CNTNAP2: variants seen among roughly 807,000 people sequenced by gnomAD.
CNTNAP2 encodes contactin-associated protein-like 2.
CNTNAP2 carries 98 observed loss-of-function variants against 155.2 expected under a neutral mutation model. The observed-to-expected ratio is 0.63, with a 90% CI of 0.54 to 0.75. The LOEUF is 0.75. CNTNAP2 is among the 30% of genes least tolerant of loss of function. The pLI is 0.00. For missense variants in CNTNAP2, 1,727 were observed against 1,688.1 expected, an observed-to-expected ratio of 1.02 and a Z score of -0.40; for synonymous variants, 651 against 631.2, an observed-to-expected ratio of 1.03 and a Z score of -0.47.
chr7:146,497,799 C>CAT (rs778518652), intron 1 of CNTNAP2, among the ~76,000 whole-genome samples: 1 of 148,366 alleles, frequency 6.7e-6, no homozygotes, highest in Admixed American at 6.8e-5. Flanking sequence ...CATATATAAA[C>CAT]ATATATATAC....
chr7:146,176,184 T>A (rs1404709056), intron 1 of CNTNAP2, among the ~76,000 whole-genome samples: 2 of 152,214 alleles, frequency 1.3e-5, no homozygotes, highest in African/African-American at 4.8e-5. Context: ...TAATGCCCTG[T>A]AGGTATGGCA....
chr7:146,596,992 G>A (rs552705480), intron 1 of CNTNAP2, among the ~76,000 whole-genome samples: 32 of 152,104 alleles, frequency 2.1e-4, no homozygotes, highest in African/African-American at 7.5e-4. Context: ...AAATGTTGAG[G>A]TTGAATGAAT....
intron 3 of CNTNAP2, among the ~76,000 whole-genome samples, chr7:147,002,982 C>T (rs1798455087): frequency 7.4e-6 from 1 of 135,764 alleles, no homozygotes; most frequent in African/African-American, 2.7e-5. Flanking sequence ...AAGCAGCAAA[C>T]TGGAAAAGAA....
At chr7:146,776,778 T>A (rs1190802136) in intron 2 of CNTNAP2, among the ~76,000 whole-genome samples, 2 of 152,210 alleles carry the variant, frequency 1.3e-5, no homozygotes. Flanking sequence ...TTCTTTGTTT[T>A]AACATAATAC....
chr7:147,635,548 C>T (rs10253656), intron 12 of CNTNAP2, among the ~76,000 whole-genome samples: 13,609 of 152,070 alleles, frequency 0.089, 1,680 homozygotes, highest in African/African-American at 0.26. Flanking sequence ...TGTTACAAAA[C>T]AAACATATAA....
At chr7:147,058,782 T>C (rs918378384) in intron 4 of CNTNAP2, among the ~76,000 whole-genome samples, 2 of 152,134 alleles carry the variant, frequency 1.3e-5, no homozygotes. Context: ...AATTTTTGTA[T>C]TTTTAGTAGA....
chr7:146,827,387 C>T (rs1803425997), intron 2 of CNTNAP2, among the ~76,000 whole-genome samples: 1 of 151,954 alleles, frequency 6.6e-6, no homozygotes, highest in South Asian at 2.1e-4. Flanking sequence ...ATTTGGTAAC[C>T]TATATCACTA....
chr7:146,334,566 G>C (rs759818958), intron 1 of CNTNAP2, among the ~76,000 whole-genome samples: 3 of 143,418 alleles, frequency 2.1e-5, no homozygotes, highest in Admixed American at 1.5e-4. Flanking sequence ...AAAAATAAAA[G>C]GTTATGAATT....
intron 12 of CNTNAP2, among the ~76,000 whole-genome samples, chr7:147,634,882 A>G (rs757079876): frequency 1.3e-5 from 2 of 152,068 alleles, no homozygotes; most frequent in African/African-American, 4.8e-5. Context: ...CCCATGCCCA[A>G]CCATTTCTAA....
chr7:146,854,214 A>G (rs79056291), intron 3 of CNTNAP2, among the ~76,000 whole-genome samples: 3,223 of 152,324 alleles, frequency 0.021, 39 homozygotes, highest in Middle Eastern at 0.078. Context: ...ACCAGGGTCC[A>G]TGTGGTTAGT....
In CNTNAP2 at chr7:146,531,567, G is replaced by A. The variant is rs553770168; in HGVS notation, c.98-242704G>A. Among the ~76,000 whole-genome samples, 6 of 152,056 alleles carry A rather than the reference G, an allele frequency of 3.9e-5. No homozygotes were observed. The South Asian group carries it at 1.0e-3, about 26-fold the overall frequency. On this transcript the variant is annotated intron_variant, in intron 1 of 23. Coordinates refer to ENST00000361727, the MANE Select transcript of CNTNAP2 (RefSeq NM_014141.6). ...AGCTTTTGTTTTGTTTTGTATTGAG[G>A]CGGAGTCTCGCTCAGTTGCCCAGGC...
chr7:148,181,054 G>C (rs1358847097), intron 18 of CNTNAP2, among the ~76,000 whole-genome samples: 1 of 152,204 alleles, frequency 6.6e-6, no homozygotes, highest in Non-Finnish European at 1.5e-5. Context: ...CCTAGCCTTT[G>C]GGCTCCAGAA....
chr7:147,914,331 A>T (rs1800120998), intron 14 of CNTNAP2, among the ~76,000 whole-genome samples: 1 of 152,124 alleles, frequency 6.6e-6, no homozygotes, highest in Non-Finnish European at 1.5e-5. Flanking sequence ...ACCTGAGGTC[A>T]GGGGTTTGAG....
intron 1 of CNTNAP2, among the ~76,000 whole-genome samples, chr7:146,366,829 T>C: frequency 6.6e-6 from 1 of 152,188 alleles, no homozygotes; most frequent in East Asian, 1.9e-4. Flanking sequence ...ACAGGCATTT[T>C]GGAGTCTTCC....
chr7:148,136,025 G>GGAAGGAAGGAAGGAAGGAAGGAAAGA lies in CNTNAP2; in HGVS notation c.2555-11466_2555-11465insGAAGGAAGGAAGGAAGGAAGGAAAGA, dbSNP rs1563211121. Among the ~76,000 whole-genome samples, 152 of 30,946 alleles carry GGAAGGAAGGAAGGAAGGAAGGAAAGA rather than the reference G, an allele frequency of 4.9e-3. 8 individuals are homozygous for GGAAGGAAGGAAGGAAGGAAGGAAAGA. Among genetic ancestry groups the GGAAGGAAGGAAGGAAGGAAGGAAAGA allele is most frequent in the African/African-American group, 0.03 (142 of 4,792 alleles). The allele number at this position is 30,946 out of a possible 152,430, so 20.3% of individuals were successfully genotyped here. ...GAAGGAAGGAAGGAAGGAAGGGAGGGAGGGAGGGAGGGAGGGAGGGAGGGG... is the reference window on the plus strand; with the variant it reads ...GAAGGAAGGAAGGAAGGAAGGGAGGGGAAGGAAGGAAGGAAGGAAGGAAAGAAGGGAGGGAGGGAGGGAGGGAGGGG... On this transcript the variant is annotated intron_variant, in intron 16 of 23. Transcript: ENST00000361727.
intron 1 of CNTNAP2, among the ~76,000 whole-genome samples, chr7:146,748,388 G>A (rs1036976090): frequency 2.6e-5 from 4 of 151,802 alleles, no homozygotes; most frequent in South Asian, 4.1e-4. Context: ...CTCATGATCC[G>A]CCCTCCTTGG....
In CNTNAP2 at chr7:147,128,810, A is replaced by G. The variant is rs1801292181; in HGVS notation, c.1057A>G (p.Arg353Gly). 1 of 1,613,988 alleles carries G rather than the reference A, an allele frequency of 6.2e-7. No homozygotes were observed. The highest frequency in any genetic ancestry group is 8.5e-7 in the Non-Finnish European group (1 of 1,179,948). Residue 353 changes from arginine to glycine, a missense_variant, in exon 7 of 24, where the codon AGG (arginine) becomes GGG (glycine). Arg to Gly is a moderately radical substitution (Grantham distance 125, BLOSUM62 -2). Coordinates refer to ENST00000361727, the MANE Select transcript of CNTNAP2 (RefSeq NM_014141.6). ...CGTCAACATTACTGATCTTGCCAGAAGGAAGAAATTAGAGCCCTCAAATGT... is the reference window on the plus strand; with the variant it reads ...CGTCAACATTACTGATCTTGCCAGAGGGAAGAAATTAGAGCCCTCAAATGT... Reference protein sequence around the residue: ...NGVNITDLARRKKLEPSNVGN... With the variant: ...NGVNITDLARGKKLEPSNVGN...
chr7:147,757,887 G>T (rs972212812), intron 13 of CNTNAP2, among the ~76,000 whole-genome samples: 24 of 152,268 alleles, frequency 1.6e-4, no homozygotes, highest in Admixed American at 1.4e-3. Context: ...GATGTAATAG[G>T]ATTATTGTCT....
At chr7:146,233,917 A>C (rs1316141427) in intron 1 of CNTNAP2, among the ~76,000 whole-genome samples, 2 of 150,714 alleles carry the variant, frequency 1.3e-5, no homozygotes, top group Non-Finnish European at 3.0e-5. Flanking sequence ...ATAGTGCTGC[A>C]ATAAACATAC....
Sources: gnomAD v4.1 joint callset for allele counts (sites outside exome capture counted in the v4.1 genomes callset) on GRCh38, gnomAD v4.1.1 for gene constraint, MANE v1.5 for transcripts, NCBI Gene and HGNC (gene_info 2026-07-23, HGNC 2026-07-21) for gene names.